SYN3: variants seen among roughly 807,000 people sequenced by gnomAD.
SYN3 encodes synapsin-3.
A neutral mutation model predicts 65.8 loss-of-function variants in SYN3; 35 were observed. The ratio of observed to expected loss-of-function variants is 0.53; its 90% CI spans 0.41 to 0.70. The LOEUF is 0.70. Among genes scored for constraint, SYN3 ranks in the 30% least tolerant of loss-of-function variants. The probability of loss-of-function intolerance (pLI) is 0.00; values close to 1 mark genes in which losing one functional copy is unlikely to be tolerated. For missense variants in SYN3, 680 were observed against 749.0 expected (o/e 0.91, Z 1.08); for synonymous variants, 270 against 292.9 (o/e 0.92, Z 0.80).
chr22:33,047,863 CA>C (rs58025351), intron 1 of SYN3, among the ~76,000 whole-genome samples: 5,216 of 53,432 alleles, frequency 0.098, 122 homozygotes, highest in African/African-American at 0.24. Flanking sequence ...TTTTCATGTG[CA>C]AAAAAAAAAA....
intron 3 of SYN3, among the ~76,000 whole-genome samples, chr22:32,948,958 T>C (rs1462374061): frequency 6.6e-6 from 1 of 152,052 alleles, no homozygotes. Context: ...ATTCCTTATC[T>C]GAAATGCTTG....
At chr22:32,591,183 T>C (rs978486525) in intron 7 of SYN3, among the ~76,000 whole-genome samples, 10 of 152,230 alleles carry the variant, frequency 6.6e-5, no homozygotes, top group African/African-American at 1.9e-4. Flanking sequence ...TAAACACCCT[T>C]AGCCACCGTA....
chr22:32,569,166 G>T (rs533906544), intron 7 of SYN3, among the ~76,000 whole-genome samples: 6 of 152,190 alleles, frequency 3.9e-5, no homozygotes, highest in Admixed American at 3.3e-4. Context: ...AAATGGAGAT[G>T]ATAATATTTA....
chr22:32,868,914 G>A lies in SYN3; in HGVS notation c.621+52C>T, dbSNP rs1460815632. The A allele has an allele frequency of 3.8e-6, 6 of 1,573,974 alleles. No homozygotes were observed. The East Asian group carries it at 1.4e-4, about 36-fold the overall frequency. On this transcript the variant is annotated intron_variant, in intron 5 of 13. Transcript: ENST00000358763. Reference sequence around the variant, plus strand: ...GGAGTGGGCTTGTCGCAGAGTGGGAGGCCACCCACTGCCTCCCAGATCCCT... The same window carrying A: ...GGAGTGGGCTTGTCGCAGAGTGGGAAGCCACCCACTGCCTCCCAGATCCCT...
At chr22:33,053,719 T>C (rs1353388955) in intron 1 of SYN3, among the ~76,000 whole-genome samples, 1 of 152,136 alleles carries the variant, frequency 6.6e-6, no homozygotes, top group Non-Finnish European at 1.5e-5. Context: ...CTTGGAAGCC[T>C]TCCCCAACCA....
intron 6 of SYN3, among the ~76,000 whole-genome samples, chr22:32,626,095 G>A (rs923357063): frequency 1.3e-5 from 2 of 152,132 alleles, no homozygotes; most frequent in Non-Finnish European, 2.9e-5. Flanking sequence ...GAAATGGTTG[G>A]GGGTAGAGGG....
At chr22:32,533,027 C>T (rs762497612) in intron 10 of SYN3, among the ~76,000 whole-genome samples, 5 of 150,382 alleles carry the variant, frequency 3.3e-5, no homozygotes, top group East Asian at 3.9e-4. Flanking sequence ...GCTGTGGGAC[C>T]GTGAGAGACA....
chr22:33,021,752 C>T (rs2053562273), intron 1 of SYN3, among the ~76,000 whole-genome samples: 3 of 151,380 alleles, frequency 2.0e-5, no homozygotes, highest in African/African-American at 4.9e-5. Flanking sequence ...CCATAGCATG[C>T]ACCATCTTCT....
rs973749298 is a variant in SYN3, at chr22:32,508,396, T to C, written c.*5296A>G. On this transcript the variant is annotated 3_prime_UTR_variant, in exon 14 of 14. Coordinates refer to ENST00000358763, the MANE Select transcript of SYN3 (RefSeq NM_003490.4). Reference sequence around the variant, plus strand: ...AAAACGGCCCCATCCCTACTCCCTTTGCTGACTCTCTTTTCGGACTCATCC... The same window carrying C: ...AAAACGGCCCCATCCCTACTCCCTTCGCTGACTCTCTTTTCGGACTCATCC... Among the ~76,000 whole-genome samples the C allele has an allele frequency of 2.6e-5, 4 of 152,142 alleles. No homozygotes were observed. The highest frequency in any genetic ancestry group is 5.9e-5 in the Non-Finnish European group (4 of 68,038).
chr22:32,954,276 A>C (rs1448398831), intron 3 of SYN3, among the ~76,000 whole-genome samples: 2 of 152,162 alleles, frequency 1.3e-5, no homozygotes, highest in Admixed American at 1.3e-4. Context: ...GAAGGGGAGA[A>C]AAAGGGGCCT....
rs2059203586 is a variant in SYN3, at chr22:32,596,605, AG to A, written c.774+68del. ...TAAGGGGTTGATGGGTGACAGAGGG[AG>A]AGAGGAACAGGTAGTCTGGGGAATC... On this transcript the variant is annotated intron_variant, in intron 7 of 13. Transcript: ENST00000358763. The A allele has an allele frequency of 2.0e-6, 3 of 1,528,070 alleles. No homozygotes were observed. In the East Asian group the frequency reaches 6.8e-5, roughly 35 times the overall value. 94.7% of individuals were successfully genotyped at this position (1,528,070 alleles called of 1,614,324 possible).
At chr22:32,771,214 C>T (rs1257639988) in intron 6 of SYN3, among the ~76,000 whole-genome samples, 1 of 152,180 alleles carries the variant, frequency 6.6e-6, no homozygotes, top group African/African-American at 2.4e-5. Flanking sequence ...CAGCTTCATC[C>T]ATGTCCCTGC....
intron 6 of SYN3, among the ~76,000 whole-genome samples, chr22:32,609,120 C>T (rs2003815): frequency 0.31 from 47,458 of 151,724 alleles, 7,643 homozygotes; most frequent in South Asian, 0.39. Flanking sequence ...GTCAGGAGAT[C>T]GAGACCATCC....
chr22:32,879,916 T>C (rs1179175916), intron 4 of SYN3, among the ~76,000 whole-genome samples: 1 of 152,224 alleles, frequency 6.6e-6, no homozygotes, highest in Non-Finnish European at 1.5e-5. Flanking sequence ...AGACATCTTC[T>C]AGTCCCAGCT....
chr22:32,868,298 A>C (rs1474653021), intron 5 of SYN3, among the ~76,000 whole-genome samples: 1 of 151,290 alleles, frequency 6.6e-6, no homozygotes, highest in Non-Finnish European at 1.5e-5. Flanking sequence ...ATTATATATT[A>C]TTAATAGCAT....
Position 32,774,872 on chromosome 22 carries a change from C to T in SYN3, c.711+90043G>A, listed in dbSNP as rs148986640. On this transcript the variant is annotated intron_variant, in intron 6 of 13. Coordinates refer to ENST00000358763, the MANE Select transcript of SYN3 (RefSeq NM_003490.4). ...TCCCAGCTTTGCACTTTTAAATGAGCAGAGTGTTTAGAAACTGAACAGGGG... is the reference window on the plus strand; with the variant it reads ...TCCCAGCTTTGCACTTTTAAATGAGTAGAGTGTTTAGAAACTGAACAGGGG... Among the ~76,000 whole-genome samples, 166 of 152,270 alleles carry T rather than the reference C, an allele frequency of 1.1e-3. 2 individuals are homozygous for T. Among genetic ancestry groups the T allele is most frequent in the African/African-American group, 3.6e-3 (151 of 41,564 alleles).
At chr22:32,925,095 G>GA (rs147031555) in intron 4 of SYN3, among the ~76,000 whole-genome samples, 2,963 of 148,230 alleles carry the variant, frequency 0.02, 113 homozygotes, top group African/African-American at 0.068. Context: ...CTGTCTCAAG[G>GA]AAAAAAAAAA....
At chr22:32,641,723 A>G (rs1320034571) in intron 6 of SYN3, among the ~76,000 whole-genome samples, 1 of 152,088 alleles carries the variant, frequency 6.6e-6, no homozygotes. Flanking sequence ...AATGGTCTAA[A>G]ATTGAAGGTG....
In SYN3 at chr22:33,035,248, G is replaced by A. The variant is rs992062848; in HGVS notation, c.-163+23044C>T. On this transcript the variant is annotated intron_variant, in intron 1 of 13. Coordinates refer to ENST00000358763, the MANE Select transcript of SYN3 (RefSeq NM_003490.4). The stretch of plus-strand genomic sequence containing the variant: ...TTCATTTAACATTTCCTAAGTGCTA[G>A]GTACTATTTTAAACTTTGTTCATAT... Among the ~76,000 whole-genome samples the A allele has an allele frequency of 2.0e-5, 3 of 150,638 alleles. No homozygotes were observed. The South Asian group carries it at 6.3e-4, about 32-fold the overall frequency.
Sources: gnomAD v4.1 joint callset for allele counts (sites outside exome capture counted in the v4.1 genomes callset) on GRCh38, gnomAD v4.1.1 for gene constraint, MANE v1.5 for transcripts, NCBI Gene and HGNC (gene_info 2026-07-23, HGNC 2026-07-21) for gene names.